STMN2: variants seen among roughly 807,000 people sequenced by gnomAD.
STMN2 encodes stathmin 2, also known as stathmin-2.
A neutral mutation model predicts 24.1 loss-of-function variants in STMN2; 2 were observed. That is an observed-to-expected ratio of 0.08 (90% CI 0.03 to 0.26). The LOEUF (loss-of-function observed/expected upper bound fraction) is 0.26. STMN2 is among the 10% of genes least tolerant of loss of function. The pLI, the probability that STMN2 is intolerant of heterozygous loss-of-function variation, is 1.00. For synonymous variants in STMN2, 83 were observed against 77.5 expected (o/e 1.07, Z -0.37); for missense variants, 114 against 213.6 (o/e 0.53, Z 2.91).
intron 4 of STMN2, among the ~76,000 whole-genome samples, chr8:79,658,998 G>C (rs1472552234): frequency 6.6e-6 from 1 of 152,198 alleles, no homozygotes; most frequent in Non-Finnish European, 1.5e-5. Context: ...CCGTGGTTGA[G>C]AACCACTGTG....
rs1168027781 is a variant in STMN2, at chr8:79,653,818, CATGA to C, written c.289-1052_289-1049del. 3.8e-4 allele frequency among the ~76,000 whole-genome samples: 58 copies of C among 152,294 alleles called. 1 individual carries two copies. Among genetic ancestry groups the C allele is most frequent in the South Asian group, 2.7e-3 (13 of 4,830 alleles). ...TGATCCTGAGAAATTATCCAGAAGC[CATGA>C]GTGTGTAATAATTTAGTCTTAAACC... is the stretch of plus-strand genomic sequence containing the variant. On this transcript the variant is annotated intron_variant, in intron 3 of 4. Transcript: ENST00000220876.
chr8:79,612,624 C>G (rs934587059), intron 1 of STMN2, among the ~76,000 whole-genome samples: 10 of 152,262 alleles, frequency 6.6e-5, no homozygotes, highest in Middle Eastern at 6.8e-3. Context: ...CTTGAGTGCC[C>G]ACGGTTCTGG....
At chr8:79,656,746 C>T (rs952941732) in intron 4 of STMN2, among the ~76,000 whole-genome samples, 5 of 152,190 alleles carry the variant, frequency 3.3e-5, no homozygotes, top group Admixed American at 6.5e-5. Context: ...TTGCTAGGAA[C>T]GGTACCTGCT....
At chr8:79,615,590 G>T (rs997497321) in intron 1 of STMN2, among the ~76,000 whole-genome samples, 1 of 152,184 alleles carries the variant, frequency 6.6e-6, no homozygotes, top group African/African-American at 2.4e-5. Flanking sequence ...CTCGGTGTCT[G>T]CATTAACTTT....
chr8:79,612,590 C>A (rs1452370604), intron 1 of STMN2, among the ~76,000 whole-genome samples: 1 of 152,196 alleles, frequency 6.6e-6, no homozygotes, highest in African/African-American at 2.4e-5. Context: ...GATTCAGGGC[C>A]TTCATCCGCA....
intron 1 of STMN2, chr8:79,621,102 G>A (rs574930528): frequency 1.1e-6 from 1 of 894,270 alleles, no homozygotes; most frequent in East Asian, 1.2e-4. Context: ...TGCTGGTGCT[G>A]CATGGAAGGA....
chr8:79,640,714 TG>T (rs765702035), intron 2 of STMN2, among the ~76,000 whole-genome samples: 7 of 152,240 alleles, frequency 4.6e-5, no homozygotes, highest in Non-Finnish European at 4.4e-5. Context: ...GAGTGGGCAC[TG>T]TGCATGATTG....
chr8:79,627,321 A>C (rs778814062), intron 1 of STMN2, among the ~76,000 whole-genome samples: 1 of 152,226 alleles, frequency 6.6e-6, no homozygotes, highest in Non-Finnish European at 1.5e-5. Flanking sequence ...CAGATCAAAC[A>C]CTTGATTCTA....
At chr8:79,633,023 T>C (rs1297838377) in intron 1 of STMN2, among the ~76,000 whole-genome samples, 1 of 152,330 alleles carries the variant, frequency 6.6e-6, no homozygotes, top group East Asian at 1.9e-4. Context: ...TTTTTCTCTT[T>C]GCACTATTTC....
intron 2 of STMN2, among the ~76,000 whole-genome samples, chr8:79,637,406 A>C (rs916568185): frequency 6.6e-6 from 1 of 152,206 alleles, no homozygotes; most frequent in African/African-American, 2.4e-5. Context: ...GCCCTAGATA[A>C]AGAGGGTCTG....
chr8:79,663,472 TG>T, intron 4 of STMN2: 2 of 594,406 alleles, frequency 3.4e-6, no homozygotes, highest in Non-Finnish European at 5.5e-6. Context: ...GATGCAGGTC[TG>T]GTACACATTA....
chr8:79,650,842 G>A (rs977392853), intron 3 of STMN2, among the ~76,000 whole-genome samples: 8 of 152,054 alleles, frequency 5.3e-5, no homozygotes, highest in Non-Finnish European at 7.4e-5. Flanking sequence ...AGGAGGCTGA[G>A]GCAAGAGGAT....
At chr8:79,647,382 G>A (rs1256564265) in intron 3 of STMN2, among the ~76,000 whole-genome samples, 2 of 152,156 alleles carry the variant, frequency 1.3e-5, no homozygotes, top group South Asian at 2.1e-4. Context: ...AAAAACTTAC[G>A]AGTTCTCCTC....
chr8:79,624,453 C>CAAAAAAAAAAAAAAAAAAAAAA (rs1011493193), intron 1 of STMN2, among the ~76,000 whole-genome samples: 2 of 45,130 alleles, frequency 4.4e-5, no homozygotes, highest in African/African-American at 7.1e-5. Flanking sequence ...GACTCCGTCT[C>CAAAAAAAAAAAAAAAAAAAAAA]AAAAAAAAAA....
intron 3 of STMN2, among the ~76,000 whole-genome samples, chr8:79,650,336 C>A (rs1389565234): frequency 6.6e-6 from 1 of 152,164 alleles, no homozygotes; most frequent in Non-Finnish European, 1.5e-5. Flanking sequence ...CTAATCTGCA[C>A]AGTCAAGATA....
At chr8:79,625,250 A>T (rs1809625333) in intron 1 of STMN2, among the ~76,000 whole-genome samples, 1 of 152,102 alleles carries the variant, frequency 6.6e-6, no homozygotes, top group Non-Finnish European at 1.5e-5. Flanking sequence ...AACTATATTG[A>T]TGACTTCTTT....
At chr8:79,627,368 C>A (rs572693781) in intron 1 of STMN2, among the ~76,000 whole-genome samples, 1 of 152,066 alleles carries the variant, frequency 6.6e-6, no homozygotes, top group Non-Finnish European at 1.5e-5. Context: ...ATGTTTATGA[C>A]CAAGTCATAT....
intron 3 of STMN2, among the ~76,000 whole-genome samples, chr8:79,649,791 CTAGT>C (rs1171100472): frequency 6.6e-6 from 1 of 152,098 alleles, no homozygotes; most frequent in Non-Finnish European, 1.5e-5. Context: ...GTTTTATGTA[CTAGT>C]TACTCAAATT....
At chr8:79,634,640 G>T (rs186239420) in intron 1 of STMN2, among the ~76,000 whole-genome samples, 2 of 152,150 alleles carry the variant, frequency 1.3e-5, no homozygotes, top group African/African-American at 2.4e-5. Context: ...AAGCTTCACC[G>T]TTGTCACTGG....
Sources: gnomAD v4.1 joint callset for allele counts (sites outside exome capture counted in the v4.1 genomes callset) on GRCh38, gnomAD v4.1.1 for gene constraint, MANE v1.5 for transcripts, NCBI Gene and HGNC (gene_info 2026-07-23, HGNC 2026-07-21) for gene names.